Variants in PLD5 observed in about 807,000 individuals in gnomAD.
PLD5 encodes the protein phospholipase D family member 5, also known as inactive phospholipase D5.
Under a neutral mutation model 61.1 loss-of-function variants are expected in PLD5, and 36 were observed. The ratio of observed to expected loss-of-function variants is 0.59; its 90% CI spans 0.45 to 0.78. The LOEUF is 0.78. Among genes scored for constraint, PLD5 ranks in the 30% least tolerant of loss-of-function variants. PLD5 has a pLI of 0.00. For missense variants in PLD5, 515 were observed against 644.4 expected (o/e 0.80, Z 2.17); for synonymous variants, 243 against 242.8 (o/e 1.00, Z -0.01).
chr1:242,470,345 GAAA>G (rs1023904685), intron 1 of PLD5, among the ~76,000 whole-genome samples: 1 of 114,106 alleles, frequency 8.8e-6, no homozygotes, highest in Admixed American at 9.0e-5. Flanking sequence ...CGGTCTCAAA[GAAA>G]AAAAAAAAAG....
At chr1:242,300,431 C>T (rs951573220) in intron 2 of PLD5, among the ~76,000 whole-genome samples, 42 of 148,798 alleles carry the variant, frequency 2.8e-4, no homozygotes, top group Non-Finnish European at 4.9e-4. Flanking sequence ...GGTGGGGTGG[C>T]GGGAGAGGAG....
chr1:242,266,048 T>TA, intron 3 of PLD5, among the ~76,000 whole-genome samples: 1 of 152,324 alleles, frequency 6.6e-6, no homozygotes, highest in East Asian at 1.9e-4. Context: ...ATGTTCTGCC[T>TA]AAAAATAAGT....
chr1:242,357,563 G>T (rs1167529595), intron 1 of PLD5, among the ~76,000 whole-genome samples: 3 of 149,616 alleles, frequency 2.0e-5, no homozygotes, highest in African/African-American at 7.4e-5. Flanking sequence ...TTGGCTCACT[G>T]CAACCTCCGC....
chr1:242,284,225 C>T (rs1466836873), intron 3 of PLD5, among the ~76,000 whole-genome samples: 2 of 148,874 alleles, frequency 1.3e-5, no homozygotes, highest in Non-Finnish European at 3.0e-5. Flanking sequence ...GCAGCCTCCG[C>T]CTCCCGGGTT....
chr1:242,150,888 T>C (rs560580330), intron 5 of PLD5, among the ~76,000 whole-genome samples: 23 of 151,988 alleles, frequency 1.5e-4, no homozygotes, highest in Middle Eastern at 3.4e-3. Flanking sequence ...AAGGTTTTTC[T>C]CCCTTCATTT....
intron 9 of PLD5, 50 bp downstream of exon 9, chr1:242,100,618 C>T (rs758213767): frequency 7.3e-7 from 1 of 1,376,564 alleles, no homozygotes; most frequent in Non-Finnish European, 1.0e-6. Context: ...GCTGGACTAC[C>T]ACTCCCTGGG....
At chr1:242,298,578 C>A (rs894448596) in intron 2 of PLD5, among the ~76,000 whole-genome samples, 11 of 152,122 alleles carry the variant, frequency 7.2e-5, no homozygotes, top group African/African-American at 2.7e-4. Context: ...ATGCTACAAG[C>A]ACACTTTGGG....
chr1:242,138,612 A>G (rs1444230175), intron 5 of PLD5, among the ~76,000 whole-genome samples: 1 of 152,208 alleles, frequency 6.6e-6, no homozygotes, highest in Non-Finnish European at 1.5e-5. Context: ...ATTTTTCTGT[A>G]AACATATCAG....
At chr1:242,374,496 C>T (rs1473903578) in intron 1 of PLD5, among the ~76,000 whole-genome samples, 1 of 152,098 alleles carries the variant, frequency 6.6e-6, no homozygotes, top group Non-Finnish European at 1.5e-5. Flanking sequence ...ATACCATTCT[C>T]CCCCAGGGCT....
rs141940006 is a variant in PLD5 at position 242,437,254 on chromosome 1, A to G, written c.189+86834T>C. Among the ~76,000 whole-genome samples, 387 of 152,302 alleles carry G rather than the reference A, an allele frequency of 2.5e-3. 2 individuals carry two copies. The highest frequency in any genetic ancestry group is 6.8e-3 in the Middle Eastern group (2 of 294). ...AAAGTAACTGAGGTGGATCGGTATT[A>G]TATTGGCATGTCCCACACATGCCTC... On this transcript the variant is annotated intron_variant, in intron 1 of 9. Transcript: ENST00000536534.
At chr1:242,194,618 G>GTATCTATGTATC (rs1668505608) in intron 5 of PLD5, among the ~76,000 whole-genome samples, 49 of 102,996 alleles carry the variant, frequency 4.8e-4, no homozygotes, top group East Asian at 1.8e-3. Flanking sequence ...ATCTATCTAT[G>GTATCTATGTATC]TATCTATCTA....
intron 2 of PLD5, among the ~76,000 whole-genome samples, chr1:242,298,406 A>T (rs1257233014): frequency 6.6e-6 from 1 of 152,214 alleles, no homozygotes; most frequent in Non-Finnish European, 1.5e-5. Flanking sequence ...CCTGCAAGAT[A>T]GGGAGGATCT....
intron 4 of PLD5, among the ~76,000 whole-genome samples, chr1:242,257,488 G>C (rs1359178429): frequency 3.3e-5 from 5 of 152,178 alleles, no homozygotes; most frequent in Non-Finnish European, 7.3e-5. Context: ...CCAAGCTCTA[G>C]GATGAATTTC....
intron 4 of PLD5, among the ~76,000 whole-genome samples, chr1:242,238,284 C>T (rs888307527): frequency 6.6e-6 from 1 of 152,140 alleles, no homozygotes; most frequent in Admixed American, 6.5e-5. Flanking sequence ...ATGCCAGAAG[C>T]CATCTGAATT....
At chr1:242,241,865 CT>C in intron 4 of PLD5, among the ~76,000 whole-genome samples, 1 of 68,836 alleles carries the variant, frequency 1.5e-5, no homozygotes, top group South Asian at 6.2e-4. Context: ...ACTTGCTTTA[CT>C]TACTATATAT....
At chr1:242,140,460 G>T (rs1664076915) in intron 5 of PLD5, among the ~76,000 whole-genome samples, 1 of 152,144 alleles carries the variant, frequency 6.6e-6, no homozygotes, top group Admixed American at 6.5e-5. Flanking sequence ...CCTGGGTTTA[G>T]TAGCCTTCTC....
At chr1:242,479,520 C>A (rs1367061766) in intron 1 of PLD5, among the ~76,000 whole-genome samples, 3 of 151,950 alleles carry the variant, frequency 2.0e-5, no homozygotes, top group African/African-American at 7.3e-5. Context: ...TTTAAGATAC[C>A]TAAATAAGCA....
intron 1 of PLD5, among the ~76,000 whole-genome samples, chr1:242,436,638 T>G (rs1186066694): frequency 6.6e-6 from 1 of 152,198 alleles, no homozygotes; most frequent in Non-Finnish European, 1.5e-5. Flanking sequence ...ATAAAGAGAT[T>G]TGATGTTTAT....
intron 4 of PLD5, among the ~76,000 whole-genome samples, chr1:242,229,314 G>A (rs1574565488): frequency 6.6e-6 from 1 of 152,136 alleles, no homozygotes; most frequent in East Asian, 1.9e-4. Context: ...CGTTTTAAAC[G>A]CATATTACCA....
Sources: gnomAD v4.1 joint callset for allele counts (sites outside exome capture counted in the v4.1 genomes callset) on GRCh38, gnomAD v4.1.1 for gene constraint, MANE v1.5 for transcripts, NCBI Gene and HGNC (gene_info 2026-07-23, HGNC 2026-07-21) for gene names.